Variants in EXOC6B observed in about 807,000 individuals in gnomAD.
EXOC6B encodes SEC15 homolog B.
Under a neutral mutation model 113.5 loss-of-function variants are expected in EXOC6B, and 54 were observed. The ratio of observed to expected loss-of-function variants is 0.48; its 90% CI spans 0.38 to 0.60. EXOC6B has a LOEUF of 0.60. Among genes scored for constraint, EXOC6B ranks in the 20% least tolerant of loss-of-function variants. The probability of loss-of-function intolerance (pLI) is 0.00; values close to 1 mark genes in which losing one functional copy is unlikely to be tolerated. For synonymous variants in EXOC6B, 357 were observed against 339.0 expected (o/e 1.05, Z -0.58); for missense variants, 797 against 977.5 (o/e 0.82, Z 2.46).
chr2:72,472,155 G>A (rs1225757631), intron 17 of EXOC6B, among the ~76,000 whole-genome samples: 2 of 152,200 alleles, frequency 1.3e-5, no homozygotes, highest in African/African-American at 2.4e-5. Flanking sequence ...TTTTCATCAA[G>A]AATATTGGTC....
chr2:72,283,579 C>T (rs1034135462), intron 20 of EXOC6B, among the ~76,000 whole-genome samples: 1 of 151,880 alleles, frequency 6.6e-6, no homozygotes, highest in Admixed American at 6.6e-5. Flanking sequence ...GGGGGAGGGG[C>T]ATGATTTTGT....
intron 6 of EXOC6B, among the ~76,000 whole-genome samples, chr2:72,658,286 T>TAAAAAAAAAAAA (rs60572283): frequency 3.4e-5 from 2 of 58,726 alleles, no homozygotes; most frequent in African/African-American, 1.5e-4. Context: ...TAAAAACTAG[T>TAAAAAAAAAAAA]AAAAAAAAAA....
At chr2:72,516,900 A>G (rs1701237660) in intron 8 of EXOC6B, among the ~76,000 whole-genome samples, 1 of 152,194 alleles carries the variant, frequency 6.6e-6, no homozygotes, top group African/African-American at 2.4e-5. Flanking sequence ...ATTAAAGTAA[A>G]AGCCCTGCCC....
chr2:72,566,660 T>C (rs1704195618), intron 7 of EXOC6B, among the ~76,000 whole-genome samples: 1 of 152,112 alleles, frequency 6.6e-6, no homozygotes, highest in South Asian at 2.1e-4. Flanking sequence ...ATGAGTTCCA[T>C]TTGCTCTATA....
chr2:72,428,245 T>A (rs587744), intron 18 of EXOC6B, among the ~76,000 whole-genome samples: 14 of 152,206 alleles, frequency 9.2e-5, no homozygotes, highest in African/African-American at 3.1e-4. Flanking sequence ...ACACCCCTTG[T>A]TCGCCACGTT....
chr2:72,530,565 C>G (rs1335857624), intron 8 of EXOC6B, among the ~76,000 whole-genome samples: 1 of 152,024 alleles, frequency 6.6e-6, no homozygotes, highest in African/African-American at 2.4e-5. Context: ...ATGTTATGTA[C>G]AGTGTTCTAT....
At chr2:72,421,772 T>G (rs900651284) in intron 18 of EXOC6B, among the ~76,000 whole-genome samples, 1 of 152,208 alleles carries the variant, frequency 6.6e-6, no homozygotes, top group Non-Finnish European at 1.5e-5. Context: ...TGGGAGCCCC[T>G]TTCTGGGCTG....
chr2:72,383,860 C>T (rs533215539), intron 18 of EXOC6B, among the ~76,000 whole-genome samples: 46 of 152,066 alleles, frequency 3.0e-4, no homozygotes, highest in African/African-American at 1.1e-3. Flanking sequence ...ACATGGAAGG[C>T]ACTGGAGACC....
At chr2:72,423,720 C>A (rs1558653694) in intron 18 of EXOC6B, among the ~76,000 whole-genome samples, 2 of 152,116 alleles carry the variant, frequency 1.3e-5, no homozygotes, top group African/African-American at 4.8e-5. Context: ...CATGCATGCA[C>A]CCGTGTGTGT....
At chr2:72,673,175 T>C (rs1676029809) in intron 6 of EXOC6B, among the ~76,000 whole-genome samples, 1 of 152,212 alleles carries the variant, frequency 6.6e-6, no homozygotes, top group African/African-American at 2.4e-5. Flanking sequence ...AAGACAAGTC[T>C]TTACATTGAC....
intron 17 of EXOC6B, among the ~76,000 whole-genome samples, chr2:72,466,890 A>G (rs1303396471): frequency 2.0e-5 from 3 of 152,190 alleles, no homozygotes; most frequent in African/African-American, 4.8e-5. Context: ...TTTTTCAAGA[A>G]TATAACACAG....
rs1041370054 is a variant in EXOC6B at position 72,336,823 on chromosome 2, G to A, written c.2123-1803C>T. ...GGAGTTTGCGACCAGCCTGACTAACGTGGTGAAATCCCGTCTCTACTAAAT... is the reference window on the plus strand; with the variant it reads ...GGAGTTTGCGACCAGCCTGACTAACATGGTGAAATCCCGTCTCTACTAAAT... On this transcript the variant is annotated intron_variant, in intron 19 of 21. Transcript: ENST00000272427. Among the ~76,000 whole-genome samples, 4 of 151,956 alleles carry A rather than the reference G, an allele frequency of 2.6e-5. No individual in the cohort carries two copies. In the South Asian group the frequency reaches 6.2e-4, roughly 24 times the overall value.
intron 6 of EXOC6B, among the ~76,000 whole-genome samples, chr2:72,580,356 T>C (rs977457840): frequency 1.3e-5 from 2 of 151,956 alleles, no homozygotes; most frequent in Admixed American, 6.6e-5. Flanking sequence ...TTGGCCAGGC[T>C]GGTCTCGAAC....
At chr2:72,636,369 G>GAAGGAAGC (rs771182488) in intron 6 of EXOC6B, among the ~76,000 whole-genome samples, 6 of 96,552 alleles carry the variant, frequency 6.2e-5, no homozygotes, top group African/African-American at 1.2e-4. Context: ...AGGAAGGAAG[G>GAAGGAAGC]AAGCAAGGAA....
At chr2:72,458,556 A>G (rs1156693671) in intron 18 of EXOC6B, among the ~76,000 whole-genome samples, 3 of 152,102 alleles carry the variant, frequency 2.0e-5, no homozygotes, top group African/African-American at 7.2e-5. Context: ...GTTACTTCCT[A>G]CTTTGATTCT....
intron 20 of EXOC6B, among the ~76,000 whole-genome samples, chr2:72,241,547 G>C (rs1695536789): frequency 6.6e-6 from 1 of 151,986 alleles, no homozygotes; most frequent in African/African-American, 2.4e-5. Context: ...CCTACACTTA[G>C]AGATAATCAT....
chr2:72,293,671 T>A (rs1685947506), intron 20 of EXOC6B, among the ~76,000 whole-genome samples: 1 of 152,136 alleles, frequency 6.6e-6, no homozygotes, highest in African/African-American at 2.4e-5. Context: ...ACACATGCTA[T>A]GGTGTGACTT....
chr2:72,636,335 A>G (rs868489497), intron 6 of EXOC6B, among the ~76,000 whole-genome samples: 1 of 98,640 alleles, frequency 1.0e-5, no homozygotes, highest in Admixed American at 9.5e-5. Context: ...GAAGGAGGGA[A>G]GGAAGGAAGG....
At position 72,513,272 on chromosome 2, in the gene EXOC6B, A is replaced by C; in HGVS notation, c.1047-20T>G. 1 of 1,612,080 alleles carries C rather than the reference A, an allele frequency of 6.2e-7. No homozygotes were observed. Among genetic ancestry groups the C allele is most frequent in the Non-Finnish European group, 8.5e-7 (1 of 1,178,828 alleles). On this transcript the variant is annotated intron_variant, in intron 10 of 21. Coordinates refer to ENST00000272427, the MANE Select transcript of EXOC6B (RefSeq NM_015189.3). ...AAAAAGCTAAGATTGAGGAAAAAAGAAAGCACAGCTGTCAGAAATTACAGT... is the reference window on the plus strand; with the variant it reads ...AAAAAGCTAAGATTGAGGAAAAAAGCAAGCACAGCTGTCAGAAATTACAGT...
Sources: gnomAD v4.1 joint callset for allele counts (sites outside exome capture counted in the v4.1 genomes callset) on GRCh38, gnomAD v4.1.1 for gene constraint, MANE v1.5 for transcripts, NCBI Gene and HGNC (gene_info 2026-07-23, HGNC 2026-07-21) for gene names.